INSL6: variants seen among roughly 807,000 people sequenced by gnomAD.
INSL6 encodes the protein insulin like 6.
A neutral mutation model predicts 9.4 loss-of-function variants in INSL6; 16 were observed. The observed-to-expected ratio is 1.70, with a 90% CI of 1.15 to 2.59. The LOEUF (loss-of-function observed/expected upper bound fraction) is 2.59. Ranked by LOEUF, INSL6 falls within the 30% of genes most tolerant of loss-of-function variation. INSL6 has a pLI of 0.00. For synonymous variants in INSL6, 154 were observed against 96.9 expected (o/e 1.59, Z -3.46); for missense variants, 391 against 257.3 (o/e 1.52, Z -3.56).
downstream of INSL6, among the ~76,000 whole-genome samples, chr9:5,121,027 T>C (rs1315854153): frequency 1.3e-5 from 2 of 152,142 alleles, no homozygotes; most frequent in Admixed American, 6.5e-5. Flanking sequence ...GATGATACTA[T>C]CTAAGGGAAA....
chr9:5,160,094 T>G (rs1252354549), downstream of INSL6, among the ~76,000 whole-genome samples: 1 of 150,788 alleles, frequency 6.6e-6, no homozygotes, highest in Admixed American at 6.6e-5. Context: ...GAGAATCACT[T>G]GAACCCGGGG....
intron 2 of INSL6, among the ~76,000 whole-genome samples, chr9:5,136,217 C>A (rs548617025): frequency 2.6e-5 from 4 of 152,158 alleles, no homozygotes; most frequent in Non-Finnish European, 5.9e-5. Flanking sequence ...ACCATTCCTT[C>A]TGAAAGTATT....
At chr9:5,158,944 G>A (rs1824869479), downstream of INSL6, among the ~76,000 whole-genome samples, 1 of 151,992 alleles carries the variant, frequency 6.6e-6, no homozygotes, top group Admixed American at 6.5e-5. Flanking sequence ...AACTTTTCAA[G>A]ACAGACAGTA....
At chr9:5,161,378 A>G (rs545873169), downstream of INSL6, among the ~76,000 whole-genome samples, 1 of 152,166 alleles carries the variant, frequency 6.6e-6, no homozygotes, top group African/African-American at 2.4e-5. Flanking sequence ...AAAAATAAAA[A>G]CCTCTCATGC....
Position 5,185,550 on chromosome 9 carries a change from CGAACCA to C in INSL6, c.47_52del (p.Leu16_Val17del). The C allele has an allele frequency of 6.2e-7, 1 of 1,614,034 alleles. No individual in the cohort carries two copies. The highest frequency in any genetic ancestry group is 1.1e-5 in the South Asian group (1 of 91,054). On this transcript the variant is annotated inframe_deletion, in exon 1 of 2. Transcript: ENST00000381641. ...GATGTCGCTCAGTTCACGAGAAAACCGAACCAGCAGGAGTCCAAGCCACAGCAGGGA... is the reference window on the plus strand; with the variant it reads ...GATGTCGCTCAGTTCACGAGAAAACCGCAGGAGTCCAAGCCACAGCAGGGA...
At chr9:5,007,564 A>T in the INSL6 span, among the ~76,000 whole-genome samples, 2 of 152,104 alleles carry the variant, frequency 1.3e-5, no homozygotes, top group South Asian at 4.1e-4. Flanking sequence ...TAAAATATTA[A>T]GTAATCATTG....
chr9:5,170,600 G>A (rs552047545), intron 1 of INSL6, among the ~76,000 whole-genome samples: 104 of 149,464 alleles, frequency 7.0e-4, no homozygotes, highest in African/African-American at 2.4e-3. Flanking sequence ...CCACTAGGTA[G>A]GCTAATAAAG....
At chr9:5,167,869 G>A (rs1950456266) in intron 1 of INSL6, among the ~76,000 whole-genome samples, 1 of 152,190 alleles carries the variant, frequency 6.6e-6, no homozygotes, top group Non-Finnish European at 1.5e-5. Context: ...AGAGGAAGGA[G>A]CAGCCTGCCA....
the INSL6 span, chr9:5,050,593 A>G: frequency 7.6e-7 from 1 of 1,310,924 alleles, no homozygotes; most frequent in East Asian, 2.5e-5. Flanking sequence ...GTAAATGCAT[A>G]TGTTCTGAAA....
At chr9:5,047,839 G>C in the INSL6 span, among the ~76,000 whole-genome samples, 3 of 152,130 alleles carry the variant, frequency 2.0e-5, no homozygotes, top group East Asian at 5.8e-4. Flanking sequence ...GGCTTCAAAT[G>C]ATCCTCCTAC....
At chr9:5,126,156 A>C (rs1032043490) in intron 3 of INSL6, 1 of 497,538 alleles carries the variant, frequency 2.0e-6, no homozygotes, top group African/African-American at 2.0e-5. Context: ...AAATTATAGA[A>C]GTTCCATATT....
At chr9:5,040,554 G>C in the INSL6 span, among the ~76,000 whole-genome samples, 1 of 152,216 alleles carries the variant, frequency 6.6e-6, no homozygotes, top group Non-Finnish European at 1.5e-5. Flanking sequence ...GCAAATGTTT[G>C]GGAATCATAT....
intron 2 of INSL6, among the ~76,000 whole-genome samples, chr9:5,137,340 T>C (rs1375290609): frequency 6.6e-6 from 1 of 152,134 alleles, no homozygotes; most frequent in Non-Finnish European, 1.5e-5. Context: ...AGAACAAAGC[T>C]GGAGGCATCA....
At chr9:5,136,355 G>A (rs1824386598) in intron 2 of INSL6, among the ~76,000 whole-genome samples, 1 of 152,152 alleles carries the variant, frequency 6.6e-6, no homozygotes, top group Non-Finnish European at 1.5e-5. Flanking sequence ...GATAAACACT[G>A]ATGCGAAAAT....
chr9:4,994,966 C>G, the INSL6 span, among the ~76,000 whole-genome samples: 2 of 151,898 alleles, frequency 1.3e-5, no homozygotes, highest in African/African-American at 4.8e-5. Context: ...GTGACTATAA[C>G]TAAAGATTAA....
the INSL6 span, among the ~76,000 whole-genome samples, chr9:5,065,402 A>G: frequency 6.6e-6 from 1 of 152,204 alleles, no homozygotes; most frequent in South Asian, 2.1e-4. Context: ...ATGTTTGGAT[A>G]GTCCATCTCC....
chr9:5,082,652 T>C, the INSL6 span, among the ~76,000 whole-genome samples: 4 of 152,168 alleles, frequency 2.6e-5, no homozygotes, highest in Non-Finnish European at 5.9e-5. Context: ...GACTATCACA[T>C]GGGGAGAAAC....
chr9:5,041,313 C>T, the INSL6 span: 3 of 786,152 alleles, frequency 3.8e-6, no homozygotes, highest in South Asian at 3.2e-5. Flanking sequence ...AAGCACATCC[C>T]GTGCAGCCAG....
chr9:5,136,424 G>T (rs898723747), intron 2 of INSL6, among the ~76,000 whole-genome samples: 2 of 152,142 alleles, frequency 1.3e-5, no homozygotes, highest in Non-Finnish European at 2.9e-5. Context: ...TATCCACCAT[G>T]ATCAAGTCGG....
Sources: gnomAD v4.1 joint callset for allele counts (sites outside exome capture counted in the v4.1 genomes callset) on GRCh38, gnomAD v4.1.1 for gene constraint, MANE v1.5 for transcripts, NCBI Gene and HGNC (gene_info 2026-07-23, HGNC 2026-07-21) for gene names.